The following SPRTN variants were observed in gnomAD, a reference collection of about 807,000 sequenced individuals.
SPRTN encodes the protein SprT-like N-terminal domain.
Under a neutral mutation model 31.9 loss-of-function variants are expected in SPRTN, and 11 were observed. The observed-to-expected ratio is 0.34, with a 90% CI of 0.22 to 0.57. The LOEUF (loss-of-function observed/expected upper bound fraction) is 0.57, where lower values mean the gene tolerates loss of function less well. SPRTN is among the 20% of genes least tolerant of loss of function. The pLI, the probability that SPRTN is intolerant of heterozygous loss-of-function variation, is 0.86. For missense variants in SPRTN, 482 were observed against 590.1 expected (o/e 0.82, Z 1.90); for synonymous variants, 185 against 212.1 (o/e 0.87, Z 1.11).
In SPRTN at chr1:231,353,936, C is replaced by G; in HGVS notation, c.*575C>G. Reference sequence around the variant, plus strand: ...AAGAATTTTATTTGTCCCACTTTTACTAAACAGTGGCAGCAGATTTTAAGT... The same window carrying G: ...AAGAATTTTATTTGTCCCACTTTTAGTAAACAGTGGCAGCAGATTTTAAGT... On this transcript the variant is annotated 3_prime_UTR_variant, in exon 5 of 5. Coordinates refer to ENST00000295050, the MANE Select transcript of SPRTN (RefSeq NM_032018.7). 1 of 933,644 alleles carries G rather than the reference C, an allele frequency of 1.1e-6. No homozygotes were observed. 57.8% of individuals were successfully genotyped at this position (933,644 alleles called of 1,614,324 possible). A position where few individuals can be genotyped will look rare whatever the true frequency, so the allele number is the denominator to read the frequency against.
chr1:231,346,704 A>T (rs2102868633), intron 2 of SPRTN, among the ~76,000 whole-genome samples: 1 of 152,186 alleles, frequency 6.6e-6, no homozygotes, highest in East Asian at 1.9e-4. Flanking sequence ...GCACTTTGGG[A>T]GGCTGAGGCG....
intron 2 of SPRTN, among the ~76,000 whole-genome samples, chr1:231,341,562 A>C (rs529002344): frequency 6.4e-4 from 98 of 152,334 alleles, no homozygotes; most frequent in Non-Finnish European, 1.2e-3. Flanking sequence ...TCAAGGGAAG[A>C]AGTTTTACTA....
chr1:231,351,914 G>A, intron 4 of SPRTN: 1 of 1,015,898 alleles, frequency 9.8e-7, no homozygotes. Flanking sequence ...GAGTTATTAG[G>A]AAACAGAAGG....
chr1:231,350,981 A>C (rs1294514123), intron 3 of SPRTN, among the ~76,000 whole-genome samples: 1 of 152,056 alleles, frequency 6.6e-6, no homozygotes, highest in African/African-American at 2.4e-5. Flanking sequence ...ATCATTTACA[A>C]ATTTGATTTC....
chr1:231,349,092 T>G (rs1339516235), intron 3 of SPRTN, among the ~76,000 whole-genome samples: 1 of 152,060 alleles, frequency 6.6e-6, no homozygotes, highest in African/African-American at 2.4e-5. Flanking sequence ...CACCTCAGCC[T>G]CCTGAGTAGC....
At position 231,352,857 on chromosome 1, in the gene SPRTN, C is replaced by T. The variant is rs991778952; in HGVS notation, c.966C>T (p.Asn322=). 3.1e-6 allele frequency: 5 copies of T among 1,613,902 alleles called. No individual in the cohort carries two copies. Among genetic ancestry groups the T allele is most frequent in the African/African-American group, 2.7e-5 (2 of 74,922 alleles). Residue 322 remains asparagine (N), a synonymous_variant, in exon 5 of 5, where the codon AAC becomes AAT. Coordinates refer to ENST00000295050, the MANE Select transcript of SPRTN (RefSeq NM_032018.7). The part of the protein sequence containing the change: ...NSHLVSPAVS[N]SHQNVLSNYF... ...ATCTGGTCTCCCCTGCTGTTAGTAA[C>T]AGTCACCAAAATGTTCTAAGCAACT... is the stretch of plus-strand genomic sequence containing the variant.
Position 231,352,598 on chromosome 1 carries a change from CT to C in SPRTN, c.719-6del, listed in dbSNP as rs1558368412. 1 of 1,546,506 alleles carries C rather than the reference CT, an allele frequency of 6.5e-7. No individual in the cohort carries two copies. Among genetic ancestry groups the C allele is most frequent in the Non-Finnish European group, 8.7e-7 (1 of 1,151,650 alleles). On this transcript the variant is annotated splice_polypyrimidine_tract_variant and intron_variant, in intron 4 of 4. Coordinates refer to ENST00000295050, the MANE Select transcript of SPRTN (RefSeq NM_032018.7). Reference sequence around the variant, plus strand: ...GGCACTTACATAACAATCTTCTTTGCTTTTTTGGCAGATAAACCCAACAGAG... The same window carrying C: ...GGCACTTACATAACAATCTTCTTTGCTTTTTGGCAGATAAACCCAACAGAG...
intron 2 of SPRTN, among the ~76,000 whole-genome samples, chr1:231,345,626 A>C (rs1280172830): frequency 6.6e-6 from 1 of 152,194 alleles, no homozygotes; most frequent in Non-Finnish European, 1.5e-5. Flanking sequence ...TAGTCTAGGT[A>C]TTGCTCTCTC....
intron 3 of SPRTN, among the ~76,000 whole-genome samples, chr1:231,350,823 AGC>A (rs1687201606): frequency 2.0e-5 from 2 of 99,680 alleles, no homozygotes; most frequent in Middle Eastern, 5.6e-3. Context: ...TTGTGTTGTT[AGC>A]GTCAGTCAGG....
At chr1:231,342,450 G>A (rs1258254289) in intron 2 of SPRTN, among the ~76,000 whole-genome samples, 1 of 151,910 alleles carries the variant, frequency 6.6e-6, no homozygotes, top group Non-Finnish European at 1.5e-5. Flanking sequence ...TGTTTTTTGA[G>A]ATGGAGTTTT....
intron 1 of SPRTN, chr1:231,339,453 C>G (rs769805805): frequency 1.8e-6 from 1 of 571,190 alleles, no homozygotes; most frequent in Non-Finnish European, 3.3e-6. Flanking sequence ...GCATCGTATT[C>G]CACTAGGTCC....
At chr1:231,340,185 A>C in intron 2 of SPRTN, 7 of 179,558 alleles carry the variant, frequency 3.9e-5, no homozygotes, top group South Asian at 3.1e-4. Context: ...ACACGGTGAA[A>C]CCCCGTCTCT....
intron 2 of SPRTN, among the ~76,000 whole-genome samples, chr1:231,343,387 A>G (rs2102864915): frequency 6.6e-6 from 1 of 152,292 alleles, no homozygotes; most frequent in Non-Finnish European, 1.5e-5. Context: ...CACTCTTAAG[A>G]TGTTTGCACA....
Position 231,352,790 on chromosome 1 carries a change from T to G in SPRTN, c.899T>G (p.Ile300Ser). ...AATGCTGTAAGACCTAATTCTAAAA[T>G]CAAGGTGAAATTTGAACAGAATGGT... ...SANAVRPNSK[I>S]KVKFEQNGSS... is the part of the protein sequence containing the mutation. Residue 300 changes from isoleucine (I) to serine (S), a missense_variant, in exon 5 of 5, where the codon ATC becomes AGC. By Grantham distance (142) the Ile-to-Ser change is moderately radical. This residue lies in a region of SPRTN where 325 missense variants were observed against 350.2 expected (regional missense o/e 0.93). Transcript: ENST00000295050. 6.2e-7 allele frequency: 1 copy of G among 1,613,782 alleles called. No homozygotes were observed. The highest frequency in any genetic ancestry group is 1.3e-5 in the African/African-American group (1 of 75,008).
chr1:231,340,660 G>GCTAGCA (rs555811340), intron 2 of SPRTN, among the ~76,000 whole-genome samples: 27 of 152,178 alleles, frequency 1.8e-4, no homozygotes, highest in African/African-American at 6.0e-4. Flanking sequence ...ATTTAGAGCT[G>GCTAGCA]GTACTTACTT....
chr1:231,340,982 A>G (rs182257623), intron 2 of SPRTN, among the ~76,000 whole-genome samples: 77 of 152,254 alleles, frequency 5.1e-4, no homozygotes, highest in Middle Eastern at 3.4e-3. Context: ...AAAATGGGTA[A>G]GTTGGGGAAT....
chr1:231,339,893 C>G (rs770100207), intron 2 of SPRTN, 25 bp downstream of exon 2: 2 of 1,603,466 alleles, frequency 1.2e-6, no homozygotes, highest in Non-Finnish European at 1.7e-6. Flanking sequence ...AACTTGCTTC[C>G]TAGCGCAGTA....
At chr1:231,346,342 G>A (rs1242106520) in intron 2 of SPRTN, among the ~76,000 whole-genome samples, 1 of 150,008 alleles carries the variant, frequency 6.7e-6, no homozygotes, top group African/African-American at 2.4e-5. Flanking sequence ...ACAGGCGGGC[G>A]CAACTATGCC....
In SPRTN at chr1:231,352,689, A is replaced by G. The variant is rs752640945; in HGVS notation, c.798A>G (p.Leu266=). 4 of 1,613,894 alleles carry G rather than the reference A, an allele frequency of 2.5e-6. No homozygotes were observed. Among genetic ancestry groups the G allele is most frequent in the African/African-American group, 2.7e-5 (2 of 74,924 alleles). Reference sequence around the variant, plus strand: ...ATGTTCTAGGAGAAACAAGCAATTTACCTTCACCTGGGAAACTGATCACTT... The same window carrying G: ...ATGTTCTAGGAGAAACAAGCAATTTGCCTTCACCTGGGAAACTGATCACTT... ...KGYVLGETSN[L]PSPGKLITSH... The change falls in exon 5 of 5, where the codon TTA becomes TTG. Residue 266 remains leucine (L), a synonymous_variant. Transcript: ENST00000295050.
Sources: gnomAD v4.1 joint callset for allele counts (sites outside exome capture counted in the v4.1 genomes callset) on GRCh38, gnomAD v4.1.1 for gene constraint, gnomAD v4.1.1 regional missense constraint, MANE v1.5 for transcripts, NCBI Gene and HGNC (gene_info 2026-07-23, HGNC 2026-07-21) for gene names.